Variants in TGM5 observed in about 807,000 individuals in gnomAD.
TGM5 encodes transglutaminase 5, also known as protein-glutamine gamma-glutamyltransferase 5.
In TGM5, 69 loss-of-function variants were observed where a neutral mutation model predicts 77.2. The ratio of observed to expected loss-of-function variants is 0.89; its 90% CI spans 0.74 to 1.09. TGM5 has a LOEUF of 1.09. Among genes scored for constraint, TGM5 ranks in the 50% least tolerant of loss-of-function variants. The probability of loss-of-function intolerance (pLI) is 0.00; values close to 1 mark genes in which losing one functional copy is unlikely to be tolerated. For synonymous variants in TGM5, 346 were observed against 351.8 expected (o/e 0.98, Z 0.18); for missense variants, 842 against 896.5 (o/e 0.94, Z 0.78).
intron 1 of TGM5, among the ~76,000 whole-genome samples, chr15:43,261,090 T>TTTTTTTTTTTTTTTTTTTTG (rs2042786497): frequency 4.1e-5 from 4 of 97,104 alleles, no homozygotes; most frequent in African/African-American, 1.0e-4. Context: ...TTTTTTTTTT[T>TTTTTTTTTTTTTTTTTTTTG]TTTTTTTTTT....
At chr15:43,260,743 G>A (rs2042780045) in intron 1 of TGM5, 164 bp from the exon 2 acceptor site, 1 of 776,332 alleles carries the variant, frequency 1.3e-6, no homozygotes. Flanking sequence ...ATGAGGATAA[G>A]GATGAGGATT....
In TGM5 at chr15:43,252,227, C is replaced by T. The variant is rs372593953; in HGVS notation, c.862+532G>A. Among the ~76,000 whole-genome samples, 3 of 152,360 alleles carry T rather than the reference C, an allele frequency of 2.0e-5. No homozygotes were observed. The East Asian group carries it at 5.8e-4, about 29-fold the overall frequency. On this transcript the variant is annotated intron_variant, in intron 6 of 12. Transcript: ENST00000220420. ...GCTTAGACGAAGCAAGGGTGTCAGG[C>T]GTCCTGGGACGTGTGACTGTCACTT... is the stretch of plus-strand genomic sequence containing the variant.
At chr15:43,265,204 G>A (rs559060679) in intron 1 of TGM5, among the ~76,000 whole-genome samples, 36 of 152,192 alleles carry the variant, frequency 2.4e-4, no homozygotes, top group Admixed American at 2.0e-3. Flanking sequence ...TAAATATCTC[G>A]TCTAAGGTTA....
intron 1 of TGM5, among the ~76,000 whole-genome samples, chr15:43,266,606 G>A (rs2042826097): frequency 6.6e-6 from 1 of 152,212 alleles, no homozygotes; most frequent in African/African-American, 2.4e-5. Flanking sequence ...TGGCTATGGA[G>A]GCAGGCATGT....
rs2042575762 is a variant in TGM5, at chr15:43,234,839, T to C, written c.1805A>G (p.Glu602Gly). 3.1e-6 allele frequency: 5 copies of C among 1,614,242 alleles called. No homozygotes were observed. The highest frequency in any genetic ancestry group is 1.3e-5 in the African/African-American group (1 of 75,076). The change falls in exon 11 of 13, where the codon GAG (glutamate) becomes GGG (glycine). Residue 602 changes from glutamate (E) to glycine (G), a missense_variant. By Grantham distance (98) the Glu-to-Gly change is moderately conservative (BLOSUM62 -2). Transcript: ENST00000220420. The part of the protein sequence containing the change: ...KLIRISALGE[E>G]KSSPEKILVN... ...CAGGATTTTCTCAGGACTGCTTTTCTCTTCACCCAGGGCACTGATGCGGAT... is the reference window on the plus strand; with the variant it reads ...CAGGATTTTCTCAGGACTGCTTTTCCCTTCACCCAGGGCACTGATGCGGAT...
intron 6 of TGM5, among the ~76,000 whole-genome samples, chr15:43,244,940 A>G (rs561637749): frequency 2.0e-5 from 3 of 152,208 alleles, no homozygotes; most frequent in Admixed American, 1.3e-4. Context: ...ATAGTGGCAC[A>G]TGCCTGTGGT....
At chr15:43,249,503 A>G (rs1443525538) in intron 6 of TGM5, among the ~76,000 whole-genome samples, 1 of 152,214 alleles carries the variant, frequency 6.6e-6, no homozygotes, top group Non-Finnish European at 1.5e-5. Flanking sequence ...GACATTTCAT[A>G]TGTATGAAAT....
At chr15:43,254,278 T>C (rs979831523) in intron 4 of TGM5, among the ~76,000 whole-genome samples, 1 of 152,206 alleles carries the variant, frequency 6.6e-6, no homozygotes, top group Admixed American at 6.5e-5. Flanking sequence ...AGTTACGTGA[T>C]GTAGTCAAGT....
At position 43,240,398 on chromosome 15, in the gene TGM5, T is replaced by C. The variant is rs571927828; in HGVS notation, c.1001+454A>G. On this transcript the variant is annotated intron_variant, in intron 7 of 12. Transcript: ENST00000220420. ...TTAGACTAAGCATAAAAATGGACAATTTCCCCTGTATCTTTGGGTCTTCAT... is the reference window on the plus strand; with the variant it reads ...TTAGACTAAGCATAAAAATGGACAACTTCCCCTGTATCTTTGGGTCTTCAT... 2.0e-5 allele frequency among the ~76,000 whole-genome samples: 3 copies of C among 152,332 alleles called. No individual in the cohort carries two copies. The East Asian group carries it at 5.8e-4, about 29-fold the overall frequency.
At chr15:43,247,223 T>G (rs1244826792) in intron 6 of TGM5, among the ~76,000 whole-genome samples, 1 of 150,336 alleles carries the variant, frequency 6.7e-6, no homozygotes, top group Non-Finnish European at 1.5e-5. Flanking sequence ...AATTTGTTAT[T>G]GCTGTACCAC....
rs1167458961 is a variant in TGM5, at chr15:43,266,851, G to A, written c.-2C>T. On this transcript the variant is annotated 5_prime_UTR_variant, in exon 1 of 13. Coordinates refer to ENST00000220420, the MANE Select transcript of TGM5 (RefSeq NM_201631.4). The stretch of plus-strand genomic sequence containing the variant: ...GGGGCTTTCCCTACCTTGGGCCATG[G>A]TAGCTGCCTCCGGTTCCTGGGATGC... 1.2e-6 allele frequency: 2 copies of A among 1,614,118 alleles called. No homozygotes were observed. The highest frequency in any genetic ancestry group is 3.3e-5 in the Admixed American group (2 of 60,022).
chr15:43,246,624 A>C (rs1437501624), intron 6 of TGM5, among the ~76,000 whole-genome samples: 1 of 152,212 alleles, frequency 6.6e-6, no homozygotes, highest in Non-Finnish European at 1.5e-5. Flanking sequence ...TTAACAAGTT[A>C]ACGAGATGAG....
chr15:43,247,946 C>T (rs1046834180), intron 6 of TGM5, among the ~76,000 whole-genome samples: 2 of 152,088 alleles, frequency 1.3e-5, no homozygotes, highest in Non-Finnish European at 2.9e-5. Flanking sequence ...TAAAATGTTT[C>T]CCTATCATGC....
intron 6 of TGM5, among the ~76,000 whole-genome samples, chr15:43,251,493 C>T (rs965417238): frequency 5.3e-5 from 8 of 152,138 alleles, no homozygotes; most frequent in African/African-American, 1.9e-4. Flanking sequence ...GCCTGAGCCC[C>T]CAATAAACAC....
rs781570609 is a variant in TGM5, at chr15:43,260,101, C to T, written c.387G>A (p.Thr129=). The change falls in exon 3 of 13, where the codon ACG becomes ACA. Residue 129 remains threonine, a synonymous_variant. Coordinates refer to ENST00000220420, the MANE Select transcript of TGM5 (RefSeq NM_201631.4). ...IHIDSFQGSV[T]AYQLGEFILL... is the part of the protein sequence containing the mutation. ...GGATGAACTCCCCTAGCTGGTAGGC[C>T]GTCACAGACCCCTGGAAGGAGTCGA... 18 of 1,613,992 alleles carry T rather than the reference C, an allele frequency of 1.1e-5. No homozygotes were observed. The African/African-American group carries it at 2.0e-4, about 18-fold the overall frequency.
chr15:43,247,079 A>G (rs2142367476), intron 6 of TGM5, among the ~76,000 whole-genome samples: 1 of 150,422 alleles, frequency 6.6e-6, no homozygotes, highest in Non-Finnish European at 1.5e-5. Context: ...AATAGCTTGA[A>G]CCTGGTAGGT....
chr15:43,253,170 T>A (rs1938775322), intron 5 of TGM5, among the ~76,000 whole-genome samples: 1 of 152,124 alleles, frequency 6.6e-6, no homozygotes, highest in Non-Finnish European at 1.5e-5. Flanking sequence ...CTTACCCATG[T>A]CCTCCCATCC....
intron 6 of TGM5, among the ~76,000 whole-genome samples, chr15:43,250,222 T>G (rs990776930): frequency 2.0e-5 from 3 of 152,186 alleles, no homozygotes; most frequent in Admixed American, 1.3e-4. Context: ...CATAAGGTCA[T>G]TTAGGGGATC....
At chr15:43,256,519 C>T (rs1466948410) in intron 4 of TGM5, 49 bp downstream of exon 4, 2 of 1,434,290 alleles carry the variant, frequency 1.4e-6, no homozygotes, top group African/African-American at 1.4e-5. Context: ...TGCTCCCTCT[C>T]CCCACAAGCT....
Sources: allele counts gnomAD v4.1 joint callset (sites outside exome capture counted in the v4.1 genomes callset), GRCh38; gene constraint gnomAD v4.1.1; transcripts MANE v1.5; gene names NCBI Gene and HGNC (gene_info 2026-07-23, HGNC 2026-07-21).